GALNT17: variants seen among roughly 807,000 people sequenced by gnomAD.
The protein encoded by GALNT17 is UDP-GalNAc:polypeptide N-acetylgalactosaminyltransferase-like 3.
GALNT17 carries 29 observed loss-of-function variants against 63.7 expected under a neutral mutation model. That is an observed-to-expected ratio of 0.46 (90% CI 0.34 to 0.62). The LOEUF (loss-of-function observed/expected upper bound fraction) is 0.62. Among genes scored for constraint, GALNT17 ranks in the 20% least tolerant of loss-of-function variants. The pLI is 0.01. For synonymous variants in GALNT17, 305 were observed against 318.3 expected (o/e 0.96, Z 0.45); for missense variants, 603 against 799.6 (o/e 0.75, Z 2.97).
chr7:71,218,569 G>A (rs917694068), intron 1 of GALNT17, among the ~76,000 whole-genome samples: 2 of 152,002 alleles, frequency 1.3e-5, no homozygotes, highest in African/African-American at 4.8e-5. Context: ...CAACCCCTGG[G>A]CCACAAACTG....
At position 71,196,955 on chromosome 7, in the gene GALNT17, AT is replaced by A. The variant is rs200234663; in HGVS notation, c.238+63924del. Among the ~76,000 whole-genome samples, 18 of 149,416 alleles carry A rather than the reference AT, an allele frequency of 1.2e-4. No individual in the cohort carries two copies. The East Asian group carries it at 1.2e-3, about 10-fold the overall frequency. Reference sequence around the variant, plus strand: ...AGGTGTGAGCCACTATGCCCCGCCAATTTTTTTTTAAAAAATTTATTTTTAA... The same window carrying A: ...AGGTGTGAGCCACTATGCCCCGCCAATTTTTTTTAAAAAATTTATTTTTAA... On this transcript the variant is annotated intron_variant, in intron 1 of 10. Coordinates refer to ENST00000333538, the MANE Select transcript of GALNT17 (RefSeq NM_022479.3).
chr7:71,536,655 A>G (rs939384170), intron 5 of GALNT17, among the ~76,000 whole-genome samples: 8 of 152,202 alleles, frequency 5.3e-5, no homozygotes, highest in Non-Finnish European at 7.3e-5. Flanking sequence ...CATGATTCCA[A>G]TGATCTCCAA....
intron 5 of GALNT17, among the ~76,000 whole-genome samples, chr7:71,544,307 T>A (rs1584038632): frequency 6.7e-6 from 1 of 148,508 alleles, no homozygotes; most frequent in African/African-American, 2.5e-5. Context: ...ATTTTTTTTT[T>A]TTTTTTTTGT....
intron 1 of GALNT17, among the ~76,000 whole-genome samples, chr7:71,227,174 C>CAAAAAAAAAAA: frequency 1.6e-5 from 1 of 60,814 alleles, no homozygotes. Flanking sequence ...ACCGTCTCTA[C>CAAAAAAAAAAA]AAAAAAAAAA....
intron 1 of GALNT17, among the ~76,000 whole-genome samples, chr7:71,268,695 C>T (rs1253774232): frequency 6.6e-6 from 1 of 152,038 alleles, no homozygotes; most frequent in Non-Finnish European, 1.5e-5. Context: ...TCTTCATAGG[C>T]GAGAGCAGGG....
intron 1 of GALNT17, among the ~76,000 whole-genome samples, chr7:71,260,534 T>C (rs983337714): frequency 6.6e-6 from 1 of 152,188 alleles, no homozygotes; most frequent in African/African-American, 2.4e-5. Context: ...TCCTCCTCTT[T>C]TATGCTGTAC....
At chr7:71,530,078 T>C (rs2116776379) in intron 5 of GALNT17, among the ~76,000 whole-genome samples, 1 of 152,334 alleles carries the variant, frequency 6.6e-6, no homozygotes, top group Non-Finnish European at 1.5e-5. Context: ...TACTTTTCCA[T>C]TTTAACCAAG....
At chr7:71,339,318 A>T (rs1485761451) in intron 2 of GALNT17, among the ~76,000 whole-genome samples, 1 of 152,208 alleles carries the variant, frequency 6.6e-6, no homozygotes, top group Non-Finnish European at 1.5e-5. Flanking sequence ...AGAGATTCAC[A>T]CAGCATGTGC....
intron 5 of GALNT17, among the ~76,000 whole-genome samples, chr7:71,545,677 G>T (rs114454625): frequency 0.018 from 2,709 of 152,146 alleles, 86 homozygotes; most frequent in African/African-American, 0.063. Flanking sequence ...TTGAACATTC[G>T]TATTTTATGG....
chr7:71,308,613 G>A (rs1405691323), intron 1 of GALNT17, among the ~76,000 whole-genome samples: 2 of 152,042 alleles, frequency 1.3e-5, no homozygotes, highest in East Asian at 1.9e-4. Context: ...CCAGAACCTT[G>A]CAGCTTCAGG....
At chr7:71,553,802 G>A (rs1256229936) in intron 5 of GALNT17, among the ~76,000 whole-genome samples, 2 of 152,146 alleles carry the variant, frequency 1.3e-5, no homozygotes, top group Non-Finnish European at 2.9e-5. Flanking sequence ...ATCTCTTTCA[G>A]GACAATTGCT....
At chr7:71,555,051 C>T (rs139157617) in intron 5 of GALNT17, among the ~76,000 whole-genome samples, 1,728 of 152,198 alleles carry the variant, frequency 0.011, 33 homozygotes, top group African/African-American at 0.039. Context: ...GCCAGCATTA[C>T]GTGGTGAGAG....
intron 5 of GALNT17, among the ~76,000 whole-genome samples, chr7:71,437,534 T>G (rs1341243227): frequency 1.3e-5 from 2 of 152,214 alleles, no homozygotes; most frequent in Non-Finnish European, 2.9e-5. Flanking sequence ...CACTCCCTAG[T>G]TGGTCGGCTC....
chr7:71,589,675 G>C (rs778090963), intron 6 of GALNT17, among the ~76,000 whole-genome samples: 3 of 152,028 alleles, frequency 2.0e-5, no homozygotes, highest in Admixed American at 6.6e-5. Flanking sequence ...TTCAGTGCTC[G>C]TGAGATTTCT....
chr7:71,434,222 TCA>T (rs1786918375), intron 5 of GALNT17, among the ~76,000 whole-genome samples: 1 of 152,200 alleles, frequency 6.6e-6, no homozygotes, highest in Non-Finnish European at 1.5e-5. Context: ...CACCTTGTGA[TCA>T]TGTGAGTCAA....
intron 1 of GALNT17, among the ~76,000 whole-genome samples, chr7:71,237,964 C>T (rs945422415): frequency 3.9e-5 from 6 of 152,144 alleles, no homozygotes; most frequent in Non-Finnish European, 8.8e-5. Context: ...GAAATAAACA[C>T]GGGAATCTGA....
intron 6 of GALNT17, among the ~76,000 whole-genome samples, chr7:71,660,990 C>T (rs1007436585): frequency 5.3e-5 from 8 of 152,220 alleles, no homozygotes. Context: ...CGTGCAGCAG[C>T]AGGCTTTGAC....
At chr7:71,368,893 T>C (rs1204213728) in intron 2 of GALNT17, among the ~76,000 whole-genome samples, 2 of 143,564 alleles carry the variant, frequency 1.4e-5, no homozygotes, top group African/African-American at 2.6e-5. Flanking sequence ...CATTGAGGCG[T>C]ATCTATACTG....
chr7:71,232,313 G>T, intron 1 of GALNT17, among the ~76,000 whole-genome samples: 1 of 152,138 alleles, frequency 6.6e-6, no homozygotes, highest in Non-Finnish European at 1.5e-5. Flanking sequence ...CATTTGTGCA[G>T]GGGTGAAAGA....
Sources: allele counts gnomAD v4.1 joint callset (sites outside exome capture counted in the v4.1 genomes callset), GRCh38; gene constraint gnomAD v4.1.1; transcripts MANE v1.5; gene names NCBI Gene and HGNC (gene_info 2026-07-23, HGNC 2026-07-21).